PCDH9: variants seen among roughly 807,000 people sequenced by gnomAD.
The protein encoded by PCDH9 is protocadherin 9.
A neutral mutation model predicts 70.6 loss-of-function variants in PCDH9; 24 were observed. That is an observed-to-expected ratio of 0.34 (90% CI 0.25 to 0.48). The LOEUF is 0.48. PCDH9 is among the 20% of genes least tolerant of loss of function. PCDH9 has a pLI of 0.99. For synonymous variants in PCDH9, 562 were observed against 558.5 expected (o/e 1.01, Z -0.09); for missense variants, 1,281 against 1,503.6 (o/e 0.85, Z 2.45).
chr13:66,755,678 G>A (rs568204297), intron 3 of PCDH9, among the ~76,000 whole-genome samples: 1 of 151,090 alleles, frequency 6.6e-6, no homozygotes, highest in East Asian at 2.0e-4. Flanking sequence ...ATAATTGAGG[G>A]TCCAAGATGT....
intron 2 of PCDH9, among the ~76,000 whole-genome samples, chr13:67,178,939 A>C (rs763310830): frequency 6.6e-6 from 1 of 152,100 alleles, no homozygotes; most frequent in Non-Finnish European, 1.5e-5. Context: ...TATACTTACC[A>C]AAAATAAAAC....
At chr13:66,880,055 G>GT (rs1394440372) in intron 3 of PCDH9, 1 of 152,156 alleles carries the variant, frequency 6.6e-6, no homozygotes, top group Non-Finnish European at 1.5e-5. Flanking sequence ...GAAAGAAGAT[G>GT]TTTTTATGGA....
At chr13:66,839,765 T>C (rs2081084976) in intron 3 of PCDH9, among the ~76,000 whole-genome samples, 1 of 152,170 alleles carries the variant, frequency 6.6e-6, no homozygotes, top group Admixed American at 6.5e-5. Flanking sequence ...ATCGTAAAGC[T>C]CTTGACTGGT....
At chr13:66,546,332 C>T (rs1323598530) in intron 4 of PCDH9, among the ~76,000 whole-genome samples, 1 of 152,054 alleles carries the variant, frequency 6.6e-6, no homozygotes, top group Admixed American at 6.5e-5. Flanking sequence ...GACAGTGATA[C>T]AGATGATCCT....
chr13:66,891,072 C>T (rs910987624), intron 3 of PCDH9, among the ~76,000 whole-genome samples: 4 of 151,994 alleles, frequency 2.6e-5, no homozygotes, highest in African/African-American at 9.7e-5. Context: ...TCTGTGTCTG[C>T]TTGTTTTTTT....
chr13:66,447,780 A>G (rs763045217), intron 4 of PCDH9, among the ~76,000 whole-genome samples: 1 of 152,224 alleles, frequency 6.6e-6, no homozygotes, highest in African/African-American at 2.4e-5. Flanking sequence ...TGGGTATTCA[A>G]CGAATTAAAT....
rs150510344 is a variant in PCDH9 at position 66,550,621 on chromosome 13, A to T, written c.3340+80589T>A. Among the ~76,000 whole-genome samples the T allele has an allele frequency of 3.3e-5, 5 of 152,296 alleles. No homozygotes were observed. The East Asian group carries it at 9.7e-4, about 29-fold the overall frequency. On this transcript the variant is annotated intron_variant, in intron 4 of 4. Coordinates refer to ENST00000377865, the MANE Select transcript of PCDH9 (RefSeq NM_203487.3). ...CATGGTGAAGCAAACAGTAAAAAGA[A>T]GCCTGTGTCCTTGATAGCACAGAGC...
intron 3 of PCDH9, among the ~76,000 whole-genome samples, chr13:66,649,053 C>T (rs2077813393): frequency 6.6e-6 from 1 of 151,892 alleles, no homozygotes; most frequent in South Asian, 2.1e-4. Flanking sequence ...TGAAGCCTTC[C>T]TACAAGATCT....
At chr13:67,170,952 A>G (rs2088268519) in intron 2 of PCDH9, among the ~76,000 whole-genome samples, 2 of 152,078 alleles carry the variant, frequency 1.3e-5, no homozygotes, top group South Asian at 4.1e-4. Flanking sequence ...AGTGAGAACC[A>G]TGGAGAGAAT....
intron 3 of PCDH9, among the ~76,000 whole-genome samples, chr13:66,659,943 T>TAA (rs766093312): frequency 6.6e-6 from 1 of 152,202 alleles, no homozygotes; most frequent in Non-Finnish European, 1.5e-5. Context: ...GACACTGAAA[T>TAA]AAGCTTATTA....
At chr13:66,347,682 C>G (rs1956233196) in intron 4 of PCDH9, among the ~76,000 whole-genome samples, 1 of 152,164 alleles carries the variant, frequency 6.6e-6, no homozygotes, top group African/African-American at 2.4e-5. Flanking sequence ...TCCTGCCCAG[C>G]CTTGACCCAT....
intron 3 of PCDH9, among the ~76,000 whole-genome samples, chr13:66,809,056 T>G (rs970314182): frequency 1.3e-5 from 2 of 152,200 alleles, no homozygotes; most frequent in Non-Finnish European, 2.9e-5. Flanking sequence ...CACGCCATTC[T>G]CCTGCCTCAG....
chr13:67,037,173 T>C (rs1053403750), intron 2 of PCDH9, among the ~76,000 whole-genome samples: 1 of 152,236 alleles, frequency 6.6e-6, no homozygotes, highest in East Asian at 1.9e-4. Context: ...GGGCTGAGGG[T>C]GTATAAATCT....
intron 4 of PCDH9, among the ~76,000 whole-genome samples, chr13:66,444,005 T>C (rs912429284): frequency 7.2e-5 from 11 of 152,274 alleles, no homozygotes; most frequent in African/African-American, 2.6e-4. Flanking sequence ...CTTCAGAAAT[T>C]ATTTTCCCCC....
chr13:66,943,132 A>T (rs1426203997), intron 2 of PCDH9, among the ~76,000 whole-genome samples: 1 of 152,104 alleles, frequency 6.6e-6, no homozygotes, highest in African/African-American at 2.4e-5. Context: ...CATTTGCAAA[A>T]CAGGAAAAGA....
chr13:66,329,376 T>C (rs142637340), intron 4 of PCDH9, among the ~76,000 whole-genome samples: 133 of 152,320 alleles, frequency 8.7e-4, no homozygotes, highest in African/African-American at 2.9e-3. Context: ...TAACAGATTC[T>C]GGGAGCTGCT....
intron 4 of PCDH9, among the ~76,000 whole-genome samples, chr13:66,365,650 A>G (rs1400334619): frequency 1.3e-5 from 2 of 152,164 alleles, no homozygotes; most frequent in Non-Finnish European, 2.9e-5. Context: ...AAGTAGAGAA[A>G]AGTTATCAAG....
chr13:66,681,968 T>TATATATATA (rs1566502472), intron 3 of PCDH9, among the ~76,000 whole-genome samples: 5 of 148,538 alleles, frequency 3.4e-5, no homozygotes, highest in Non-Finnish European at 5.9e-5. Context: ...TATATATATA[T>TATATATATA]TTGAGAGATT....
intron 2 of PCDH9, among the ~76,000 whole-genome samples, chr13:67,101,065 A>G (rs982794304): frequency 7.9e-5 from 12 of 152,308 alleles, no homozygotes; most frequent in African/African-American, 2.9e-4. Context: ...AGAATCATTG[A>G]TAGCAAGAAT....
Sources: allele counts gnomAD v4.1 joint callset (sites outside exome capture counted in the v4.1 genomes callset), GRCh38; gene constraint gnomAD v4.1.1; transcripts MANE v1.5; gene names NCBI Gene and HGNC (gene_info 2026-07-23, HGNC 2026-07-21).